UNC79: variants seen among roughly 807,000 people sequenced by gnomAD.
UNC79 encodes protein unc-79 homolog.
UNC79 carries 37 observed loss-of-function variants against 283.1 expected under a neutral mutation model. That is an observed-to-expected ratio of 0.13 (90% confidence interval 0.10 to 0.17). The LOEUF is 0.17. Among genes scored for constraint, UNC79 ranks in the 10% least tolerant of loss-of-function variants. The pLI is 1.00. For synonymous variants in UNC79, 1,107 were observed against 1,200.2 expected, an observed-to-expected ratio of 0.92 and a Z score of 1.61; for missense variants, 2,272 against 3,211.1, an observed-to-expected ratio of 0.71 and a Z score of 7.07.
chr14:93,555,306 CACAT>C (rs3060688), intron 14 of UNC79, among the ~76,000 whole-genome samples: 152,262 of 152,268 alleles, frequency 1, 76,128 homozygotes, highest in Middle Eastern at 1. Context: ...AGTAAGACAT[CACAT>C]ACATACATGA....
intron 14 of UNC79, among the ~76,000 whole-genome samples, chr14:93,547,977 A>C (rs2061684713): frequency 6.6e-6 from 1 of 152,134 alleles, no homozygotes; most frequent in South Asian, 2.1e-4. Context: ...ACAGAGTGAG[A>C]CCCTGTCTCA....
intron 25 of UNC79, among the ~76,000 whole-genome samples, chr14:93,602,430 T>C (rs1256669904): frequency 6.6e-6 from 1 of 152,220 alleles, no homozygotes; most frequent in African/African-American, 2.4e-5. Context: ...AGCTTTGTTT[T>C]TGGGTTCTCT....
At chr14:93,677,093 AAATT>A (rs1222786052) in intron 41 of UNC79, among the ~76,000 whole-genome samples, 1 of 152,200 alleles carries the variant, frequency 6.6e-6, no homozygotes, top group Non-Finnish European at 1.5e-5. Context: ...AGGGAAAAAA[AAATT>A]AAGCCATTTC....
chr14:93,343,050 A>G (rs2053746013), intron 1 of UNC79, among the ~76,000 whole-genome samples: 1 of 152,180 alleles, frequency 6.6e-6, no homozygotes, highest in African/African-American at 2.4e-5. Flanking sequence ...ACTTTCCCAC[A>G]TCTTCCTGTC....
At chr14:93,655,300 A>C (rs755585020) in exon 38 of UNC79, 2 of 1,614,130 alleles carry the variant, frequency 1.2e-6, no homozygotes, top group Non-Finnish European at 1.7e-6. Flanking sequence ...AAACATTGCA[A>C]CCTTCATGGA....
At chr14:93,590,148 A>G (rs535703811) in intron 22 of UNC79, among the ~76,000 whole-genome samples, 1 of 152,272 alleles carries the variant, frequency 6.6e-6, no homozygotes, top group Admixed American at 6.5e-5. Context: ...CATTATATTT[A>G]GGACCCGCTC....
intron 3 of UNC79, among the ~76,000 whole-genome samples, chr14:93,476,386 G>A (rs2057802507): frequency 6.6e-6 from 1 of 152,112 alleles, no homozygotes; most frequent in African/African-American, 2.4e-5. Flanking sequence ...AGGCTAAAAG[G>A]CTCAGCAAAA....
chr14:93,378,972 A>G (rs768529595), intron 1 of UNC79, among the ~76,000 whole-genome samples: 5 of 152,214 alleles, frequency 3.3e-5, no homozygotes, highest in African/African-American at 1.2e-4. Context: ...ACGAGGTCCT[A>G]TGGAAGCCAA....
intron 2 of UNC79, 50 bp downstream of exon 2, chr14:93,467,841 C>T: frequency 1.4e-6 from 2 of 1,452,542 alleles, no homozygotes; most frequent in Non-Finnish European, 9.0e-7. Context: ...GGTAGTATTG[C>T]TGAATTTATT....
intron 2 of UNC79, among the ~76,000 whole-genome samples, chr14:93,471,422 G>A (rs1316674845): frequency 6.6e-6 from 1 of 152,162 alleles, no homozygotes; most frequent in Non-Finnish European, 1.5e-5. Flanking sequence ...AGGAGGAAAA[G>A]GGAAAGGTGA....
intron 40 of UNC79, among the ~76,000 whole-genome samples, chr14:93,665,693 C>T (rs957637695): frequency 4.6e-5 from 7 of 150,864 alleles, no homozygotes; most frequent in Admixed American, 2.6e-4. Flanking sequence ...CTCAACAGCA[C>T]AATAGAAGCC....
intron 47 of UNC79, among the ~76,000 whole-genome samples, chr14:93,699,444 C>A (rs1457419740): frequency 6.6e-6 from 1 of 152,152 alleles, no homozygotes; most frequent in Non-Finnish European, 1.5e-5. Flanking sequence ...ACTGTTTTAG[C>A]TGCTTTCCCC....
chr14:93,387,569 A>C (rs551644599), intron 1 of UNC79, among the ~76,000 whole-genome samples: 1 of 152,132 alleles, frequency 6.6e-6, no homozygotes, highest in South Asian at 2.1e-4. Flanking sequence ...CTCGTTATTC[A>C]TTTGTAGTTT....
rs189200487 is a variant in UNC79, at chr14:93,685,043, T to C, written c.6820-1529T>C. The stretch of plus-strand genomic sequence containing the variant: ...AATTATATGTTTTGTTTCCTAAGTA[T>C]ATATGGCTCACTAAGATTCTCTTGA... On this transcript the variant is annotated intron_variant, in intron 42 of 48. Transcript: ENST00000555664. 4.8e-4 allele frequency among the ~76,000 whole-genome samples: 73 copies of C among 152,348 alleles called. 1 individual carries two copies. The Middle Eastern group carries it at 0.017, about 35-fold the overall frequency.
chr14:93,554,131 C>T (rs1022160340), intron 14 of UNC79, among the ~76,000 whole-genome samples: 3 of 151,984 alleles, frequency 2.0e-5, no homozygotes, highest in South Asian at 4.2e-4. Flanking sequence ...GGGCAGATCA[C>T]GAGGTCAGGA....
exon 19 of UNC79, chr14:93,580,366 G>T (rs770276314): frequency 1.2e-6 from 2 of 1,613,724 alleles, no homozygotes; most frequent in Non-Finnish European, 1.7e-6. Context: ...AAAGAAGAAA[G>T]CCGGCTGGTG....
At chr14:93,611,183 T>C (rs1418847183) in intron 26 of UNC79, among the ~76,000 whole-genome samples, 1 of 152,228 alleles carries the variant, frequency 6.6e-6, no homozygotes, top group African/African-American at 2.4e-5. Context: ...TAGGTTTTAT[T>C]TGAATAATTT....
chr14:93,389,718 C>T (rs1314174868), intron 1 of UNC79, among the ~76,000 whole-genome samples: 1 of 150,430 alleles, frequency 6.6e-6, no homozygotes, highest in Non-Finnish European at 1.5e-5. Context: ...ATGGCATGAT[C>T]TTGGCTCACT....
rs1483641737 is a variant in UNC79, at chr14:93,572,895, G to C, written c.2070+79G>C. Reference sequence around the variant, plus strand: ...TTTAGATCCCTGGATCGAGAGAGTGGGAGTTATAGCAAAGACTTCGTAAGT... The same window carrying C: ...TTTAGATCCCTGGATCGAGAGAGTGCGAGTTATAGCAAAGACTTCGTAAGT... On this transcript the variant is annotated intron_variant, in intron 16 of 48. Coordinates refer to ENST00000555664, the Ensembl canonical transcript of UNC79. 7 of 1,546,296 alleles carry C rather than the reference G, an allele frequency of 4.5e-6. No individual in the cohort carries two copies. In the African/African-American group the frequency reaches 6.9e-5, roughly 15 times the overall value.
Sources: allele counts gnomAD v4.1 joint callset (sites outside exome capture counted in the v4.1 genomes callset), GRCh38; gene constraint gnomAD v4.1.1; transcripts MANE v1.5; gene names NCBI Gene and HGNC (gene_info 2026-07-23, HGNC 2026-07-21).